Variants in ULK4 observed in about 807,000 individuals in gnomAD.
ULK4 encodes inactive serine/threonine-protein kinase ULK4.
Under a neutral mutation model 160.6 loss-of-function variants are expected in ULK4, and 133 were observed. That is an observed-to-expected ratio of 0.83 (90% CI 0.72 to 0.96). The LOEUF is 0.96. ULK4 is among the 40% of genes least tolerant of loss of function. The pLI is 0.00. For missense variants in ULK4, 1,580 were observed against 1,499.5 expected, an observed-to-expected ratio of 1.05 and a Z score of -0.89; for synonymous variants, 534 against 539.8, an observed-to-expected ratio of 0.99 and a Z score of 0.15.
chr3:41,289,862 T>TGTAC (rs2079527443), intron 35 of ULK4, among the ~76,000 whole-genome samples: 1 of 147,658 alleles, frequency 6.8e-6, no homozygotes, highest in African/African-American at 2.6e-5. Context: ...TATGTACGTA[T>TGTAC]GTATGTATGT....
chr3:41,840,037 C>T (rs1343302996), intron 17 of ULK4, among the ~76,000 whole-genome samples: 1 of 152,070 alleles, frequency 6.6e-6, no homozygotes, highest in Non-Finnish European at 1.5e-5. Flanking sequence ...CAAATTCCTA[C>T]CAAAATCCTG....
chr3:41,388,983 G>A (rs1288623240), intron 35 of ULK4, among the ~76,000 whole-genome samples: 262 of 151,262 alleles, frequency 1.7e-3, no homozygotes, highest in African/African-American at 5.5e-3. Context: ...CCATTTTCAC[G>A]ATATTGATTC....
intron 34 of ULK4, among the ~76,000 whole-genome samples, chr3:41,432,901 A>C (rs74795475): frequency 4.1e-4 from 62 of 152,178 alleles, no homozygotes; most frequent in Non-Finnish European, 7.5e-4. Flanking sequence ...AAAAAAAAAA[A>C]CCATGGAAGT....
At position 41,473,661 on chromosome 3, in the gene ULK4, C is replaced by CAAAA. The variant is rs1294599838; in HGVS notation, c.3227-10409_3227-10408insTTTT. 7.9e-4 allele frequency among the ~76,000 whole-genome samples: 20 copies of CAAAA among 25,226 alleles called. 3 individuals are homozygous for CAAAA. The highest frequency in any genetic ancestry group is 1.6e-3 in the African/African-American group (9 of 5,490). The allele number at this position is 25,226 out of a possible 152,430, so 16.5% of individuals were successfully genotyped here. On this transcript the variant is annotated intron_variant, in intron 32 of 36. Coordinates refer to ENST00000301831, the MANE Select transcript of ULK4 (RefSeq NM_017886.4). The stretch of plus-strand genomic sequence containing the variant: ...TGGGCAACAGAATGAGATTCTGTCT[C>CAAAA]AAAGAAAAAAAAAAAAAAAAAAAGA...
chr3:41,659,332 AT>A (rs1005541052), intron 30 of ULK4, among the ~76,000 whole-genome samples: 5 of 152,230 alleles, frequency 3.3e-5, no homozygotes, highest in African/African-American at 1.2e-4. Context: ...TAAAAGTAAA[AT>A]GGATTGGGCA....
chr3:41,587,044 C>A (rs1014897899), intron 31 of ULK4, among the ~76,000 whole-genome samples: 1 of 152,154 alleles, frequency 6.6e-6, no homozygotes, highest in African/African-American at 2.4e-5. Context: ...ATCAAAGTGT[C>A]AGCTAGGCAG....
intron 30 of ULK4, among the ~76,000 whole-genome samples, chr3:41,655,511 A>G (rs80172110): frequency 0.046 from 7,063 of 152,196 alleles, 421 homozygotes; most frequent in African/African-American, 0.13. Context: ...CATGTACACT[A>G]CAACTTAAAG....
At chr3:41,642,010 G>T (rs1177354190) in intron 30 of ULK4, among the ~76,000 whole-genome samples, 1 of 151,808 alleles carries the variant, frequency 6.6e-6, no homozygotes, top group African/African-American at 2.4e-5. Context: ...CAAGTAGCTG[G>T]AATTACAGGC....
Position 41,473,661 on chromosome 3 carries a change from CAAAG to C in ULK4, c.3227-10412_3227-10409del, listed in dbSNP as rs1243452656. Among the ~76,000 whole-genome samples, 70 of 25,286 alleles carry C rather than the reference CAAAG, an allele frequency of 2.8e-3. 1 individual carries two copies. Among genetic ancestry groups the C allele is most frequent in the African/African-American group, 0.011 (61 of 5,498 alleles). 16.6% of individuals were successfully genotyped at this position (25,286 alleles called of 152,430 possible). On this transcript the variant is annotated intron_variant, in intron 32 of 36. Transcript: ENST00000301831. ...TGGGCAACAGAATGAGATTCTGTCTCAAAGAAAAAAAAAAAAAAAAAAAGAAGAA... is the reference window on the plus strand; with the variant it reads ...TGGGCAACAGAATGAGATTCTGTCTCAAAAAAAAAAAAAAAAAAAGAAGAA...
chr3:41,482,309 G>A (rs914154448), intron 32 of ULK4, among the ~76,000 whole-genome samples: 1 of 152,142 alleles, frequency 6.6e-6, no homozygotes, highest in African/African-American at 2.4e-5. Flanking sequence ...GGAGAAAATG[G>A]CATCCTTCTG....
intron 34 of ULK4, among the ~76,000 whole-genome samples, chr3:41,424,831 CAAA>C (rs36097613): frequency 0.021 from 1,289 of 62,398 alleles, 18 homozygotes; most frequent in African/African-American, 0.059. Flanking sequence ...AAGAAATCAT[CAAA>C]AAAAAAAAAA....
At chr3:41,643,105 G>A (rs1437874150) in intron 30 of ULK4, among the ~76,000 whole-genome samples, 6 of 152,120 alleles carry the variant, frequency 3.9e-5, no homozygotes, top group Non-Finnish European at 7.3e-5. Context: ...TTTGTCAGAT[G>A]AGTAGGTTGT....
intron 34 of ULK4, among the ~76,000 whole-genome samples, chr3:41,444,489 A>AT (rs1228328409): frequency 1.3e-5 from 2 of 152,190 alleles, no homozygotes; most frequent in East Asian, 3.9e-4. Flanking sequence ...ATTCTGCCCA[A>AT]TTCTCACATC....
chr3:41,395,530 C>A (rs2082040667), intron 35 of ULK4, among the ~76,000 whole-genome samples: 1 of 152,052 alleles, frequency 6.6e-6, no homozygotes, highest in African/African-American at 2.4e-5. Flanking sequence ...CATAAAAGGA[C>A]AAATATTGTA....
At chr3:41,289,524 A>G (rs2079519563) in intron 35 of ULK4, among the ~76,000 whole-genome samples, 1 of 152,182 alleles carries the variant, frequency 6.6e-6, no homozygotes, top group Non-Finnish European at 1.5e-5. Context: ...GTGCCTGATA[A>G]AAAATATTTG....
At chr3:41,426,061 G>T (rs2125841564) in intron 34 of ULK4, among the ~76,000 whole-genome samples, 1 of 152,260 alleles carries the variant, frequency 6.6e-6, no homozygotes, top group East Asian at 1.9e-4. Context: ...ACACATGTAG[G>T]CTCAAATAAA....
chr3:41,889,550 G>A (rs1415389827), intron 16 of ULK4, among the ~76,000 whole-genome samples: 1 of 152,160 alleles, frequency 6.6e-6, no homozygotes, highest in Non-Finnish European at 1.5e-5. Context: ...TGGAGGGTGG[G>A]AGGAGGGAGA....
In ULK4 at chr3:41,867,474, C is replaced by T. The variant is rs116774347; in HGVS notation, c.1656+16400G>A. On this transcript the variant is annotated intron_variant, in intron 17 of 36. Transcript: ENST00000301831. ...GCTAACTCCGCCTCACAGATTTAAGCGATTCTCATGCCTCAGCCTCCCAAG... is the reference window on the plus strand; with the variant it reads ...GCTAACTCCGCCTCACAGATTTAAGTGATTCTCATGCCTCAGCCTCCCAAG... Among the ~76,000 whole-genome samples, 1,436 of 152,270 alleles carry T rather than the reference C, an allele frequency of 9.4e-3. 22 individuals carry two copies. The highest frequency in any genetic ancestry group is 0.032 in the African/African-American group (1,311 of 41,562).
chr3:41,943,265 T>C (rs763117864), intron 2 of ULK4, among the ~76,000 whole-genome samples: 4 of 93,608 alleles, frequency 4.3e-5, no homozygotes, highest in African/African-American at 1.1e-4. Flanking sequence ...TTCACCCATT[T>C]GTTTTTCATT....
Sources: gnomAD v4.1 joint callset for allele counts (sites outside exome capture counted in the v4.1 genomes callset) on GRCh38, gnomAD v4.1.1 for gene constraint, MANE v1.5 for transcripts, NCBI Gene and HGNC (gene_info 2026-07-23, HGNC 2026-07-21) for gene names.